Variants in BCAS3 observed in about 807,000 individuals in gnomAD.
The protein encoded by BCAS3 is BCAS4/BCAS3 fusion.
BCAS3 carries 53 observed loss-of-function variants against 116.1 expected under a neutral mutation model. The observed-to-expected ratio is 0.46, with a 90% CI of 0.37 to 0.57. The LOEUF is 0.57. BCAS3 is among the 20% of genes least tolerant of loss of function. The probability of loss-of-function intolerance (pLI) is 0.00; values close to 1 mark genes in which losing one functional copy is unlikely to be tolerated. For missense variants in BCAS3, 917 were observed against 1,165.4 expected, an observed-to-expected ratio of 0.79 and a Z score of 3.10; for synonymous variants, 391 against 408.2, an observed-to-expected ratio of 0.96 and a Z score of 0.51.
Position 61,128,064 on chromosome 17 carries a change from A to T in BCAS3, c.2425+43500A>T, listed in dbSNP as rs1185087237. ...ATTCCCATTGAGCTCAGAAAATGTGATTAAGGAGTTTGAATGTAATTACCC... is the reference window on the plus strand; with the variant it reads ...ATTCCCATTGAGCTCAGAAAATGTGTTTAAGGAGTTTGAATGTAATTACCC... On this transcript the variant is annotated intron_variant, in intron 22 of 23. Transcript: ENST00000407086. The surrounding 1 kb of genome is among the most constrained non-coding windows in gnomAD (Gnocchi z 4.1). 2.7e-6 allele frequency: 1 copy of T among 374,306 alleles called. No individual in the cohort carries two copies. Among genetic ancestry groups the T allele is most frequent in the East Asian group, 1.6e-4 (1 of 6,094 alleles). The allele number at this position is 374,306 out of a possible 1,614,324, so 23.2% of individuals were successfully genotyped here.
At chr17:61,100,979 A>AT (rs1263455590) in intron 22 of BCAS3, among the ~76,000 whole-genome samples, 2 of 152,042 alleles carry the variant, frequency 1.3e-5, no homozygotes, top group African/African-American at 2.4e-5. Flanking sequence ...TGAAACCTTC[A>AT]TTTTTTCCCG....
At chr17:61,160,892 A>C (rs1601646590) in intron 22 of BCAS3, among the ~76,000 whole-genome samples, 1 of 152,186 alleles carries the variant, frequency 6.6e-6, no homozygotes, top group South Asian at 2.1e-4. Context: ...TGGCAGCGAC[A>C]GATTAAAATA....
At chr17:60,892,670 C>T (rs1234055505) in intron 10 of BCAS3, among the ~76,000 whole-genome samples, 1 of 151,682 alleles carries the variant, frequency 6.6e-6, no homozygotes, top group Non-Finnish European at 1.5e-5. Flanking sequence ...CCTATAATCC[C>T]AGCACTTTGA....
chr17:60,998,066 A>T (rs911126502), intron 15 of BCAS3, among the ~76,000 whole-genome samples: 27 of 152,112 alleles, frequency 1.8e-4, no homozygotes, highest in African/African-American at 6.0e-4. Context: ...CCCAATGTTT[A>T]GCTCCCACTT....
chr17:60,738,305 TAG>T (rs1006755766), intron 5 of BCAS3, among the ~76,000 whole-genome samples: 1 of 152,364 alleles, frequency 6.6e-6, no homozygotes, highest in Non-Finnish European at 1.5e-5. Context: ...AGAGGGGTGT[TAG>T]AGTCTCTAAC....
At chr17:61,263,583 G>T (rs1481754760) in intron 22 of BCAS3, among the ~76,000 whole-genome samples, 2 of 152,194 alleles carry the variant, frequency 1.3e-5, no homozygotes, top group Non-Finnish European at 2.9e-5. Flanking sequence ...ATCCAGTGCA[G>T]GTGTTTTTCA....
In BCAS3 at chr17:61,024,828, G is replaced by A. The variant is rs1393047256; in HGVS notation, c.1637+8927G>A. ...CATTTTTGCTTGTTTGGTTTTTGCAGCCAATGGAAAAACCTTTTAAGTAAT... is the reference window on the plus strand; with the variant it reads ...CATTTTTGCTTGTTTGGTTTTTGCAACCAATGGAAAAACCTTTTAAGTAAT... On this transcript the variant is annotated intron_variant, in intron 16 of 23. Coordinates refer to ENST00000407086, the MANE Select transcript of BCAS3 (RefSeq NM_017679.5). Among the ~76,000 whole-genome samples, 3 of 152,042 alleles carry A rather than the reference G, an allele frequency of 2.0e-5. No individual in the cohort carries two copies. In the East Asian group the frequency reaches 5.8e-4, roughly 29 times the overall value.
In BCAS3 at chr17:60,888,667, A is replaced by G. The variant is rs113896473; in HGVS notation, c.662-1028A>G. ...GCATTTAATAGATAATAGTAATATTACAGTTAACCTGAAGTCAGTTTTCCG... is the reference window on the plus strand; with the variant it reads ...GCATTTAATAGATAATAGTAATATTGCAGTTAACCTGAAGTCAGTTTTCCG... On this transcript the variant is annotated intron_variant, in intron 9 of 23. Transcript: ENST00000407086. 3.9e-3 allele frequency among the ~76,000 whole-genome samples: 601 copies of G among 152,286 alleles called. 2 individuals carry two copies. Among genetic ancestry groups the G allele is most frequent in the African/African-American group, 0.014 (573 of 41,556 alleles).
At chr17:60,954,650 A>G (rs1166724523) in intron 14 of BCAS3, among the ~76,000 whole-genome samples, 1 of 152,228 alleles carries the variant, frequency 6.6e-6, no homozygotes, top group Non-Finnish European at 1.5e-5. Flanking sequence ...TAATGTTCCC[A>G]TCAGGCAAAT....
intron 19 of BCAS3, among the ~76,000 whole-genome samples, chr17:61,047,431 C>G (rs894459001): frequency 5.3e-5 from 8 of 151,904 alleles, no homozygotes; most frequent in African/African-American, 1.9e-4. Context: ...AGATGGTAAT[C>G]TAATTTTTCT....
intron 19 of BCAS3, among the ~76,000 whole-genome samples, chr17:61,064,007 T>C (rs2070346810): frequency 6.6e-6 from 1 of 152,184 alleles, no homozygotes; most frequent in African/African-American, 2.4e-5. Flanking sequence ...TGACTGTAAA[T>C]TTGACATTTG....
At position 61,156,718 on chromosome 17, in the gene BCAS3, A is replaced by AT. The variant is rs1568470136; in HGVS notation, c.2425+72155dup. Among the ~76,000 whole-genome samples, 2 of 152,208 alleles carry AT rather than the reference A, an allele frequency of 1.3e-5. No individual in the cohort carries two copies. Among genetic ancestry groups the AT allele is most frequent in the Non-Finnish European group, 2.9e-5 (2 of 68,030 alleles). On this transcript the variant is annotated intron_variant, in intron 22 of 23. Transcript: ENST00000407086. The surrounding 1 kb of genome is among the most constrained non-coding windows in gnomAD (Gnocchi z 4.7). The stretch of plus-strand genomic sequence containing the variant: ...TTGGAATCCTAATTGGCACATAACA[A>AT]TAATTGTTTCTATCCTGCTATAAAC...
chr17:61,148,366 T>C (rs1284177365), intron 22 of BCAS3, among the ~76,000 whole-genome samples: 1 of 152,224 alleles, frequency 6.6e-6, no homozygotes, highest in Non-Finnish European at 1.5e-5. Context: ...TGCCAGACAC[T>C]GTTCCAAACA....
chr17:61,111,672 A>T (rs1288110694), intron 22 of BCAS3, among the ~76,000 whole-genome samples: 6 of 143,486 alleles, frequency 4.2e-5, no homozygotes. Flanking sequence ...GCAGGATATT[A>T]TCCAGGAGAA....
rs2144650807 is a variant in BCAS3 at position 61,276,375 on chromosome 17, A to C, written c.2426-91952A>C. On this transcript the variant is annotated intron_variant, in intron 22 of 23. Coordinates refer to ENST00000407086, the MANE Select transcript of BCAS3 (RefSeq NM_017679.5). This position sits in a 1 kb window ranked among gnomAD's most constrained non-coding sequence, Gnocchi z 4.2. ...CTCAAAAACAAACAAACAAACAAAC[A>C]AAAATCACTTGTGTTTCTATACAGT... Among the ~76,000 whole-genome samples, 1 of 152,170 alleles carries C rather than the reference A, an allele frequency of 6.6e-6. No homozygotes were observed. Among genetic ancestry groups the C allele is most frequent in the South Asian group, 2.1e-4 (1 of 4,818 alleles).
Position 61,087,948 on chromosome 17 carries a change from C to T in BCAS3, c.2425+3384C>T, listed in dbSNP as rs551263003. On this transcript the variant is annotated intron_variant, in intron 22 of 23. Transcript: ENST00000407086. This position sits in a 1 kb window ranked among gnomAD's most constrained non-coding sequence, Gnocchi z 4.6. ...CTATAATCCTAGCACTTTGGGAGGCCGAAGCGGTGGATCACTTGAGGTCAG... is the reference window on the plus strand; with the variant it reads ...CTATAATCCTAGCACTTTGGGAGGCTGAAGCGGTGGATCACTTGAGGTCAG... Among the ~76,000 whole-genome samples the T allele has an allele frequency of 1.4e-4, 22 of 152,138 alleles. No homozygotes were observed. The East Asian group carries it at 3.9e-3, about 27-fold the overall frequency.
chr17:60,943,235 C>A (rs186680387), intron 13 of BCAS3, among the ~76,000 whole-genome samples: 1 of 151,994 alleles, frequency 6.6e-6, no homozygotes, highest in East Asian at 1.9e-4. Context: ...AATTGGTAGA[C>A]CTAAGTCCAG....
At chr17:60,795,966 A>C (rs2047180248) in intron 6 of BCAS3, among the ~76,000 whole-genome samples, 1 of 152,166 alleles carries the variant, frequency 6.6e-6, no homozygotes, top group Admixed American at 6.5e-5. Flanking sequence ...TTGGGATTAC[A>C]GGTGTGAGCC....
rs553540986 is a variant in BCAS3, at chr17:61,309,261, A to T, written c.2426-59066A>T. On this transcript the variant is annotated intron_variant, in intron 22 of 23. Coordinates refer to ENST00000407086, the MANE Select transcript of BCAS3 (RefSeq NM_017679.5). This position sits in a 1 kb window ranked among gnomAD's most constrained non-coding sequence, Gnocchi z 4.6. ...TTGCAAACACCTCAAAATTGTCAAG[A>T]TGGAAAAGAGACCCAGAGTCCCCTT... is the stretch of plus-strand genomic sequence containing the variant. Among the ~76,000 whole-genome samples, 1 of 152,332 alleles carries T rather than the reference A, an allele frequency of 6.6e-6. No individual in the cohort carries two copies. Among genetic ancestry groups the T allele is most frequent in the South Asian group, 2.1e-4 (1 of 4,824 alleles).
Sources: allele counts gnomAD v4.1 joint callset (sites outside exome capture counted in the v4.1 genomes callset), GRCh38; gene constraint gnomAD v4.1.1; non-coding constraint Gnocchi (gnomAD v3.1); transcripts MANE v1.5; gene names NCBI Gene and HGNC (gene_info 2026-07-23, HGNC 2026-07-21).